ATP2B2: variants seen among roughly 807,000 people sequenced by gnomAD.
The protein encoded by ATP2B2 is ATPase plasma membrane Ca2+ transporting 2, also known as plasma membrane calcium-transporting ATPase 2.
ATP2B2 carries 15 observed loss-of-function variants against 120.0 expected under a neutral mutation model. The ratio of observed to expected loss-of-function variants is 0.12; its 90% CI spans 0.08 to 0.19. ATP2B2 has a LOEUF of 0.19. Ranked by LOEUF, ATP2B2 falls within the 10% of genes least tolerant of loss-of-function variation. The probability of loss-of-function intolerance (pLI) is 1.00; values close to 1 mark genes in which losing one functional copy is unlikely to be tolerated. For missense variants in ATP2B2, 1,045 were observed against 1,719.8 expected, an observed-to-expected ratio of 0.61 and a Z score of 6.94; for synonymous variants, 694 against 700.3, an observed-to-expected ratio of 0.99 and a Z score of 0.14.
intron 1 of ATP2B2, among the ~76,000 whole-genome samples, chr3:10,473,505 A>C (rs535141844): frequency 1.8e-4 from 27 of 152,228 alleles, no homozygotes; most frequent in Admixed American, 3.3e-4. Context: ...GGCGGTGTAC[A>C]CCTGTAATCC....
chr3:10,647,824 C>T (rs1233866454), intron 1 of ATP2B2, among the ~76,000 whole-genome samples: 1 of 152,202 alleles, frequency 6.6e-6, no homozygotes, highest in Admixed American at 6.5e-5. Context: ...AGAGATAAAA[C>T]TCCATGGGCA....
At chr3:10,481,708 C>T (rs1327662401) in intron 1 of ATP2B2, among the ~76,000 whole-genome samples, 3 of 152,118 alleles carry the variant, frequency 2.0e-5, no homozygotes, top group Non-Finnish European at 4.4e-5. Context: ...CGCCCGCCAC[C>T]ACGCCCAGCT....
chr3:10,657,753 T>C (rs1575598347), intron 1 of ATP2B2, among the ~76,000 whole-genome samples: 1 of 152,206 alleles, frequency 6.6e-6, no homozygotes, highest in East Asian at 1.9e-4. Flanking sequence ...AGAGTAGTGG[T>C]TCTCCCAGCA....
chr3:10,647,529 TG>T (rs2070351876), intron 1 of ATP2B2, among the ~76,000 whole-genome samples: 1 of 152,102 alleles, frequency 6.6e-6, no homozygotes, highest in Admixed American at 6.5e-5. Flanking sequence ...TCAACTGCTG[TG>T]GGGAAGTGGG....
chr3:10,535,561 C>T (rs558831072), intron 2 of ATP2B2, among the ~76,000 whole-genome samples: 26 of 152,320 alleles, frequency 1.7e-4, no homozygotes, highest in African/African-American at 6.0e-4. Flanking sequence ...AACCTCTAGC[C>T]TGTTCTCCAT....
chr3:10,343,140 C>A lies in ATP2B2; in HGVS notation c.2704-175G>T, dbSNP rs2060329268. Among the ~76,000 whole-genome samples, 1 of 152,186 alleles carries A rather than the reference C, an allele frequency of 6.6e-6. No individual in the cohort carries two copies. The highest frequency in any genetic ancestry group is 1.5e-5 in the Non-Finnish European group (1 of 68,012). ...CTGATGCCTTCTCTGGAGAACAGTG[C>A]AGACCTGCCCACCTCAGCCACATCT... On this transcript the variant is annotated intron_variant, in intron 18 of 22. Coordinates refer to ENST00000360273, the MANE Select transcript of ATP2B2 (RefSeq NM_001001331.4). The surrounding 1 kb of genome is among the most constrained non-coding windows in gnomAD (Gnocchi z 4.2).
chr3:10,426,320 C>T (rs1162777996), intron 2 of ATP2B2, among the ~76,000 whole-genome samples: 1 of 152,134 alleles, frequency 6.6e-6, no homozygotes, highest in Non-Finnish European at 1.5e-5. Flanking sequence ...TCCATGAGAA[C>T]ACTCAATAAA....
intron 3 of ATP2B2, among the ~76,000 whole-genome samples, chr3:10,526,640 C>T (rs936358667): frequency 6.6e-6 from 1 of 152,116 alleles, no homozygotes; most frequent in African/African-American, 2.4e-5. Context: ...CCAATGAAGT[C>T]AGCGGGAGCT....
chr3:10,374,950 C>T (rs1023892390), intron 11 of ATP2B2, among the ~76,000 whole-genome samples: 4 of 152,248 alleles, frequency 2.6e-5, no homozygotes, highest in Admixed American at 6.5e-5. Flanking sequence ...GTTTTACAAG[C>T]GCTACAGTTG....
intron 2 of ATP2B2, among the ~76,000 whole-genome samples, chr3:10,443,533 G>T (rs944888366): frequency 6.6e-6 from 1 of 151,768 alleles, no homozygotes; most frequent in African/African-American, 2.4e-5. Flanking sequence ...ACCGGGATGG[G>T]AGGATGTTAA....
chr3:10,345,850 A>C (rs1287536110), intron 17 of ATP2B2, among the ~76,000 whole-genome samples, 181 bp downstream of exon 17: 1 of 152,190 alleles, frequency 6.6e-6, no homozygotes, highest in East Asian at 1.9e-4. Context: ...CAGAGCAAGA[A>C]GCATCCTATG....
chr3:10,499,632 CTG>C (rs2066298840), intron 1 of ATP2B2, among the ~76,000 whole-genome samples: 1 of 152,220 alleles, frequency 6.6e-6, no homozygotes. Context: ...AGACAAGGAA[CTG>C]TGGCTCTCAA....
rs1368668796 is a variant in ATP2B2 at position 10,338,197 on chromosome 3, G to T, written c.3399C>A (p.Gly1133=). The change falls in exon 22 of 23, where the codon GGC becomes GGA. Residue 1133 remains glycine (G), a synonymous_variant. Coordinates refer to ENST00000360273, the MANE Select transcript of ATP2B2 (RefSeq NM_001001331.4). ...GTACCTGTGTCTGGATCCGATTCAG[G>T]CCTCGGAACCACAGGATCTGGCCCC... ...LRRGQILWFR[G]LNRIQTQIRV... is the part of the protein sequence containing the mutation. 6.2e-7 allele frequency: 1 copy of T among 1,614,106 alleles called. No individual in the cohort carries two copies. The highest frequency in any genetic ancestry group is 8.5e-7 in the Non-Finnish European group (1 of 1,180,014).
chr3:10,631,763 T>A (rs2069871533), intron 1 of ATP2B2, among the ~76,000 whole-genome samples: 1 of 152,192 alleles, frequency 6.6e-6, no homozygotes, highest in Admixed American at 6.5e-5. Flanking sequence ...GAAAGAAAGA[T>A]CAGAAATGCT....
At chr3:10,549,674 C>T (rs1226633408) in intron 2 of ATP2B2, among the ~76,000 whole-genome samples, 1 of 152,020 alleles carries the variant, frequency 6.6e-6, no homozygotes, top group African/African-American at 2.4e-5. Context: ...TCCCTCTCTC[C>T]TTTTCACTTC....
intron 1 of ATP2B2, among the ~76,000 whole-genome samples, chr3:10,694,748 T>C (rs2071716657): frequency 6.6e-6 from 1 of 152,202 alleles, no homozygotes; most frequent in Admixed American, 6.5e-5. Flanking sequence ...ATTTTCCTGA[T>C]TCTACCAATA....
chr3:10,336,141 C>T (rs1201698986), intron 22 of ATP2B2: 1 of 1,550,544 alleles, frequency 6.4e-7, no homozygotes, highest in Non-Finnish European at 8.7e-7. Flanking sequence ...CCGGCTGCAG[C>T]AGGAGGAAGG....
At chr3:10,475,388 C>T (rs1559384250) in intron 1 of ATP2B2, among the ~76,000 whole-genome samples, 2 of 152,228 alleles carry the variant, frequency 1.3e-5, no homozygotes, top group Non-Finnish European at 2.9e-5. Context: ...CACCTGCAGG[C>T]TCCTGCAGAA....
At chr3:10,499,141 C>T (rs188236411) in intron 1 of ATP2B2, among the ~76,000 whole-genome samples, 262 of 152,350 alleles carry the variant, frequency 1.7e-3, no homozygotes, top group Non-Finnish European at 2.4e-3. Flanking sequence ...AGGCCACTTT[C>T]CATCAATTTC....
Sources: gnomAD v4.1 joint callset for allele counts (sites outside exome capture counted in the v4.1 genomes callset) on GRCh38, gnomAD v4.1.1 for gene constraint, Gnocchi (gnomAD v3.1) non-coding constraint, MANE v1.5 for transcripts, NCBI Gene and HGNC (gene_info 2026-07-23, HGNC 2026-07-21) for gene names.